Variants in ADCY1 observed in about 807,000 individuals in gnomAD.
ADCY1 encodes the protein adenylate cyclase type 1.
Under a neutral mutation model 105.4 loss-of-function variants are expected in ADCY1, and 28 were observed. The ratio of observed to expected loss-of-function variants is 0.27; its 90% CI spans 0.20 to 0.36. ADCY1 has a LOEUF of 0.36. ADCY1 is among the 10% of genes least tolerant of loss of function. ADCY1 has a pLI of 1.00. For synonymous variants in ADCY1, 655 were observed against 623.8 expected (o/e 1.05, Z -0.75); for missense variants, 977 against 1,434.2 (o/e 0.68, Z 5.15).
At chr7:45,672,509 G>C (rs1444847509) in intron 8 of ADCY1, among the ~76,000 whole-genome samples, 1 of 151,726 alleles carries the variant, frequency 6.6e-6, no homozygotes, top group Non-Finnish European at 1.5e-5. Flanking sequence ...GAGGTGTTCA[G>C]CATACGAGAC....
intron 2 of ADCY1, among the ~76,000 whole-genome samples, chr7:45,605,225 T>C (rs1013120717): frequency 6.6e-6 from 1 of 152,056 alleles, no homozygotes; most frequent in African/African-American, 2.4e-5. Context: ...TTGGTACAAT[T>C]TTCTTTTGTT....
intron 17 of ADCY1, among the ~76,000 whole-genome samples, chr7:45,705,183 A>G (rs1267035945): frequency 1.3e-5 from 2 of 152,210 alleles, no homozygotes; most frequent in African/African-American, 4.8e-5. Context: ...AATCTCTTCC[A>G]GAAGACAGAA....
At chr7:45,661,993 C>T (rs1283963124) in intron 7 of ADCY1, 66 bp from the exon 8 acceptor site, 3 of 1,553,622 alleles carry the variant, frequency 1.9e-6, no homozygotes, top group Non-Finnish European at 2.6e-6. Context: ...GATGGCATTC[C>T]CAGTCCGAGA....
At position 45,578,748 on chromosome 7, in the gene ADCY1, G is replaced by A. The variant is rs528526674; in HGVS notation, c.639+3566G>A. ...TGCATTGCCTGGGGAGAACCAGGGTGCAGCACATGTGTGCAAGAGGAAGAC... is the reference window on the plus strand; with the variant it reads ...TGCATTGCCTGGGGAGAACCAGGGTACAGCACATGTGTGCAAGAGGAAGAC... On this transcript the variant is annotated intron_variant, in intron 1 of 19. Transcript: ENST00000297323. Among the ~76,000 whole-genome samples, 4 of 152,342 alleles carry A rather than the reference G, an allele frequency of 2.6e-5. No individual in the cohort carries two copies. The East Asian group carries it at 7.7e-4, about 29-fold the overall frequency.
At position 45,658,653 on chromosome 7, in the gene ADCY1, C is replaced by G. The variant is rs747413745; in HGVS notation, c.1307+768C>G. 1.0e-3 allele frequency among the ~76,000 whole-genome samples: 159 copies of G among 152,236 alleles called. 1 individual carries two copies. Among genetic ancestry groups the G allele is most frequent in the Non-Finnish European group, 1.2e-3 (80 of 68,038 alleles). On this transcript the variant is annotated intron_variant, in intron 6 of 19. Transcript: ENST00000297323. Reference sequence around the variant, plus strand: ...CTCCCCGTTGGCTCCCAAGGCCGGGCTATGCAGCCGCTGTCTTCATTGCTG... The same window carrying G: ...CTCCCCGTTGGCTCCCAAGGCCGGGGTATGCAGCCGCTGTCTTCATTGCTG...
intron 19 of ADCY1, 34 bp from the exon 20 acceptor site, chr7:45,713,659 C>T (rs1785308239): frequency 6.6e-6 from 5 of 762,800 alleles, no homozygotes; most frequent in Non-Finnish European, 9.8e-6. Flanking sequence ...CCCCTCATTG[C>T]CCTGAAGTAA....
At position 45,717,105 on chromosome 7, in the gene ADCY1, C is replaced by T. The variant is rs537182122; in HGVS notation, c.*3110C>T. On this transcript the variant is annotated 3_prime_UTR_variant, in exon 20 of 20. Transcript: ENST00000297323. ...CTGTGAGACTGAGAAGAGAGCCAGC[C>T]ACGCCATGCTGTGCCTGGGGTCCAC... is the stretch of plus-strand genomic sequence containing the variant. 179 of 152,398 alleles carry T rather than the reference C, an allele frequency of 1.2e-3. 1 individual carries two copies. Among genetic ancestry groups the T allele is most frequent in the South Asian group, 7.2e-3 (35 of 4,830 alleles). 9.4% of individuals were successfully genotyped at this position (152,398 alleles called of 1,614,324 possible).
At chr7:45,673,932 C>T (rs1584322761) in intron 8 of ADCY1, among the ~76,000 whole-genome samples, 1 of 140,914 alleles carries the variant, frequency 7.1e-6, no homozygotes, top group African/African-American at 2.8e-5. Context: ...AGCTGCATCC[C>T]GTAGATTTTG....
intron 3 of ADCY1, among the ~76,000 whole-genome samples, chr7:45,615,898 T>C (rs1046714163): frequency 6.6e-6 from 1 of 152,120 alleles, no homozygotes; most frequent in African/African-American, 2.4e-5. Context: ...TTAAAAAATC[T>C]ACAAAACCAA....
intron 17 of ADCY1, among the ~76,000 whole-genome samples, chr7:45,705,145 T>C (rs1021425529): frequency 6.6e-6 from 1 of 152,132 alleles, no homozygotes; most frequent in African/African-American, 2.4e-5. Context: ...ACCAAATATT[T>C]AAGGAAGAAA....
chr7:45,690,273 T>C (rs1784762020), intron 14 of ADCY1, among the ~76,000 whole-genome samples: 1 of 152,118 alleles, frequency 6.6e-6, no homozygotes, highest in Admixed American at 6.5e-5. Flanking sequence ...GGGCACACTC[T>C]AAGGGGGTGA....
chr7:45,708,355 G>A lies in ADCY1; in HGVS notation c.2823G>A (p.Lys941=). 6.2e-7 allele frequency: 1 copy of A among 1,613,812 alleles called. No individual in the cohort carries two copies. The highest frequency in any genetic ancestry group is 8.5e-7 in the Non-Finnish European group (1 of 1,179,664). The change falls in exon 18 of 20, where the codon AAG becomes AAA. Residue 941 remains lysine, a synonymous_variant. Transcript: ENST00000297323. The surrounding 1 kb of genome is among the most constrained non-coding windows in gnomAD (Gnocchi z 4.7). ...CCCCATCTGTTTACACCTAGGCTAAGAAGTCCATCTCCTCCCACCTGAGCA... is the reference window on the plus strand; with the variant it reads ...CCCCATCTGTTTACACCTAGGCTAAAAAGTCCATCTCCTCCCACCTGAGCA... ...GLAPTSGTKA[K]KSISSHLSTL... is the part of the protein sequence containing the mutation.
intron 1 of ADCY1, among the ~76,000 whole-genome samples, chr7:45,585,595 T>A (rs898429619): frequency 6.6e-6 from 1 of 152,092 alleles, no homozygotes; most frequent in Non-Finnish European, 1.5e-5. Context: ...ATTGCAGGCA[T>A]GTACCACCAC....
At position 45,575,272 on chromosome 7, in the gene ADCY1, A is replaced by G. The variant is rs944176667; in HGVS notation, c.639+90A>G. 8.9e-6 allele frequency: 13 copies of G among 1,460,846 alleles called. 1 individual carries two copies. In the Middle Eastern group the frequency reaches 1.0e-3, roughly 116 times the overall value. The allele number at this position is 1,460,846 out of a possible 1,614,324, so 90.5% of individuals were successfully genotyped here. ...CCCGGAGTCGGGCGCGCTTTTTCCT[A>G]TGCGGCGGGTGGGGACACTGAGGCT... On this transcript the variant is annotated intron_variant, in intron 1 of 19. Transcript: ENST00000297323. This position sits in a 1 kb window ranked among gnomAD's most constrained non-coding sequence, Gnocchi z 4.7.
At chr7:45,576,780 T>A (rs919031487) in intron 1 of ADCY1, among the ~76,000 whole-genome samples, 5 of 152,050 alleles carry the variant, frequency 3.3e-5, no homozygotes, top group African/African-American at 1.2e-4. Flanking sequence ...CTCCCCAATC[T>A]GACCAGATGC....
intron 2 of ADCY1, among the ~76,000 whole-genome samples, chr7:45,602,936 A>G (rs1793279716): frequency 1.3e-5 from 2 of 152,186 alleles, no homozygotes; most frequent in African/African-American, 4.8e-5. Context: ...CCTCATATCC[A>G]TTAGCAGTCA....
At chr7:45,711,397 C>T (rs1234046651) in intron 19 of ADCY1, among the ~76,000 whole-genome samples, 1 of 152,062 alleles carries the variant, frequency 6.6e-6, no homozygotes, top group Non-Finnish European at 1.5e-5. Flanking sequence ...CCAAAATATT[C>T]ATGGAGCTCT....
chr7:45,586,558 G>A (rs983720797), intron 1 of ADCY1, among the ~76,000 whole-genome samples: 8 of 152,148 alleles, frequency 5.3e-5, no homozygotes, highest in Admixed American at 3.9e-4. Context: ...ATTCTAAAAC[G>A]CTTTTATTAA....
chr7:45,608,466 C>T (rs866529021), intron 2 of ADCY1, among the ~76,000 whole-genome samples: 11 of 152,196 alleles, frequency 7.2e-5, no homozygotes, highest in Middle Eastern at 3.2e-3. Flanking sequence ...TCTTGTCAGG[C>T]CAGCAGTGGA....
Sources: gnomAD v4.1 joint callset for allele counts (sites outside exome capture counted in the v4.1 genomes callset) on GRCh38, gnomAD v4.1.1 for gene constraint, Gnocchi (gnomAD v3.1) non-coding constraint, MANE v1.5 for transcripts, NCBI Gene and HGNC (gene_info 2026-07-23, HGNC 2026-07-21) for gene names.